Variants in MOB1B observed in about 807,000 individuals in gnomAD.
MOB1B encodes the protein MOB kinase activator 1B.
A neutral mutation model predicts 24.4 loss-of-function variants in MOB1B; 19 were observed. The observed-to-expected ratio is 0.78, with a 90% CI of 0.54 to 1.14. MOB1B has a LOEUF of 1.14. MOB1B is among the 50% of genes most tolerant of loss of function. The probability of loss-of-function intolerance (pLI) is 0.00; values close to 1 mark genes in which losing one functional copy is unlikely to be tolerated. For missense variants in MOB1B, 243 were observed against 259.6 expected (o/e 0.94, Z 0.44); for synonymous variants, 76 against 82.1 (o/e 0.93, Z 0.40).
chr4:70,935,390 T>G (rs1737039211), intron 1 of MOB1B, among the ~76,000 whole-genome samples: 1 of 152,184 alleles, frequency 6.6e-6, no homozygotes, highest in South Asian at 2.1e-4. Context: ...GAATTAAACC[T>G]TTAGAGCTGC....
At chr4:70,908,264 G>A (rs1451946999) in intron 1 of MOB1B, among the ~76,000 whole-genome samples, 1 of 149,242 alleles carries the variant, frequency 6.7e-6, no homozygotes, top group African/African-American at 2.5e-5. Flanking sequence ...TCCTGACCTC[G>A]TGATCCGCCT....
At chr4:70,973,910 A>G (rs149524344) in intron 3 of MOB1B, among the ~76,000 whole-genome samples, 242 of 152,324 alleles carry the variant, frequency 1.6e-3, no homozygotes, top group African/African-American at 5.0e-3. Context: ...TTATTGTTTA[A>G]AATACCCTAT....
chr4:70,956,317 G>A (rs1247808005), intron 1 of MOB1B, among the ~76,000 whole-genome samples: 1 of 151,416 alleles, frequency 6.6e-6, no homozygotes, highest in African/African-American at 2.4e-5. Flanking sequence ...TTTTAGAGAG[G>A]GAGCCCCACT....
intron 1 of MOB1B, among the ~76,000 whole-genome samples, chr4:70,908,186 C>G (rs541783501): frequency 2.0e-5 from 3 of 151,624 alleles, no homozygotes; most frequent in South Asian, 4.2e-4. Flanking sequence ...CCACCATGCC[C>G]GGCTACTTTT....
intron 1 of MOB1B, among the ~76,000 whole-genome samples, chr4:70,917,434 C>T (rs1011847169): frequency 1.3e-5 from 2 of 152,152 alleles, no homozygotes; most frequent in Non-Finnish European, 2.9e-5. Context: ...ACATCAAGGA[C>T]GTCATCTTTT....
intron 1 of MOB1B, among the ~76,000 whole-genome samples, chr4:70,920,858 TAAAATCCAAA>T (rs1271351131): frequency 6.6e-6 from 1 of 152,180 alleles, no homozygotes; most frequent in African/African-American, 2.4e-5. Context: ...TCAGGAGGCC[TAAAATCCAAA>T]AAGTTAGCTT....
chr4:70,931,359 T>C (rs1357801414), intron 1 of MOB1B, among the ~76,000 whole-genome samples: 1 of 152,128 alleles, frequency 6.6e-6, no homozygotes, highest in East Asian at 1.9e-4. Flanking sequence ...AGACTTTAGG[T>C]GGTGGTAGTT....
chr4:70,976,561 T>C (rs1271004211), intron 4 of MOB1B: 1 of 985,270 alleles, frequency 1.0e-6, no homozygotes. Context: ...TTCTGACAAC[T>C]GATTGTCTCA....
At chr4:70,962,502 T>G (rs1738344500) in intron 2 of MOB1B, among the ~76,000 whole-genome samples, 1 of 152,044 alleles carries the variant, frequency 6.6e-6, no homozygotes, top group African/African-American at 2.4e-5. Context: ...TGCAGAAATA[T>G]AAATCTAGAC....
At chr4:70,967,680 C>T (rs1220192933) in intron 2 of MOB1B, among the ~76,000 whole-genome samples, 2 of 150,710 alleles carry the variant, frequency 1.3e-5, no homozygotes, top group East Asian at 3.9e-4. Flanking sequence ...TATCTCATCA[C>T]CAGGAAATAG....
chr4:70,959,618 A>C (rs1027510299), intron 2 of MOB1B, among the ~76,000 whole-genome samples: 28 of 152,202 alleles, frequency 1.8e-4, no homozygotes, highest in Non-Finnish European at 4.4e-5. Flanking sequence ...TCATGTGTCA[A>C]ACACTGTATA....
rs1382004485 is a variant in MOB1B at position 70,984,456 on chromosome 4, C to T, written c.*2399C>T. ...ATATAAGGATCAGTGCTTTGTTCTG[C>T]AGCAGAGTTTGCTGATAAATGTCTG... On this transcript the variant is annotated 3_prime_UTR_variant, in exon 6 of 6. Coordinates refer to ENST00000309395, the MANE Select transcript of MOB1B (RefSeq NM_173468.4). The T allele has an allele frequency of 3.3e-5, 5 of 152,274 alleles. No homozygotes were observed. The East Asian group carries it at 9.6e-4, about 29-fold the overall frequency. 9.4% of individuals were successfully genotyped at this position (152,274 alleles called of 1,614,324 possible). A position where few individuals can be genotyped will look rare whatever the true frequency, so the allele number is the denominator to read the frequency against.
intron 2 of MOB1B, among the ~76,000 whole-genome samples, chr4:70,959,924 C>G (rs183461580): frequency 1.0e-3 from 158 of 152,106 alleles, no homozygotes; most frequent in African/African-American, 3.7e-3. Context: ...GCTCTGTCGC[C>G]CAGGCTGGAG....
chr4:70,969,840 C>T (rs1432661249), intron 2 of MOB1B, 91 bp from the exon 3 acceptor site: 17 of 585,528 alleles, frequency 2.9e-5, no homozygotes, highest in East Asian at 1.3e-4. Flanking sequence ...GGGGAACGAA[C>T]GCCAATAAGC....
chr4:70,902,197 C>G, upstream of MOB1B: 1 of 473,006 alleles, frequency 2.1e-6, no homozygotes, highest in Non-Finnish European at 3.8e-6. Context: ...AGTCCCCATG[C>G]CGCAGCCGGA....
intron 1 of MOB1B, among the ~76,000 whole-genome samples, chr4:70,923,724 C>T (rs908037488): frequency 6.6e-6 from 1 of 151,688 alleles, no homozygotes; most frequent in Non-Finnish European, 1.5e-5. Flanking sequence ...CCAAGGCGGG[C>T]GGATCACAAG....
At chr4:70,921,821 A>G (rs933853250) in intron 1 of MOB1B, among the ~76,000 whole-genome samples, 2 of 152,036 alleles carry the variant, frequency 1.3e-5, no homozygotes, top group Non-Finnish European at 2.9e-5. Flanking sequence ...TTTCTTTACA[A>G]TACTTCTTAT....
At chr4:70,963,559 C>A (rs897378166) in intron 2 of MOB1B, among the ~76,000 whole-genome samples, 1 of 151,964 alleles carries the variant, frequency 6.6e-6, no homozygotes, top group South Asian at 2.1e-4. Flanking sequence ...GTGGCTCATG[C>A]CTGTAATCTT....
intron 3 of MOB1B, among the ~76,000 whole-genome samples, chr4:70,972,994 T>G (rs568118784): frequency 1.3e-5 from 2 of 151,750 alleles, no homozygotes; most frequent in Admixed American, 1.3e-4. Flanking sequence ...AGGATTGTCT[T>G]GATCTCCTGA....
Sources: gnomAD v4.1 joint callset for allele counts (sites outside exome capture counted in the v4.1 genomes callset) on GRCh38, gnomAD v4.1.1 for gene constraint, MANE v1.5 for transcripts, NCBI Gene and HGNC (gene_info 2026-07-23, HGNC 2026-07-21) for gene names.